EML6: variants seen among roughly 807,000 people sequenced by gnomAD.
EML6 encodes echinoderm microtubule-associated protein-like 6.
A neutral mutation model predicts 240.1 loss-of-function variants in EML6; 154 were observed. The ratio of observed to expected loss-of-function variants is 0.64; its 90% confidence interval spans 0.56 to 0.73. EML6 has a LOEUF of 0.73. EML6 is among the 30% of genes least tolerant of loss of function. EML6 has a pLI of 0.00. For synonymous variants in EML6, 1,148 were observed against 899.0 expected (o/e 1.28, Z -4.95); for missense variants, 2,964 against 2,474.6 (o/e 1.20, Z -4.20).
intron 16 of EML6, among the ~76,000 whole-genome samples, chr2:54,872,381 T>A (rs1017253722): frequency 3.9e-5 from 6 of 152,210 alleles, no homozygotes; most frequent in Non-Finnish European, 8.8e-5. Context: ...TTAATAAGTA[T>A]AACGTGTAAT....
At chr2:54,847,037 A>G (rs558206498) in intron 8 of EML6, among the ~76,000 whole-genome samples, 1 of 150,336 alleles carries the variant, frequency 6.7e-6, no homozygotes, top group East Asian at 2.0e-4. Context: ...CCCCCCAAGT[A>G]GCTGGGGCTA....
intron 36 of EML6, among the ~76,000 whole-genome samples, 159 bp downstream of exon 36, chr2:54,962,870 C>A (rs972312050): frequency 6.6e-6 from 1 of 152,176 alleles, no homozygotes; most frequent in African/African-American, 2.4e-5. Context: ...GCCCCACTCA[C>A]CACACCCCGT....
intron 2 of EML6, among the ~76,000 whole-genome samples, chr2:54,764,777 G>A (rs545310479): frequency 6.6e-6 from 1 of 152,302 alleles, no homozygotes; most frequent in South Asian, 2.1e-4. Flanking sequence ...AAAAGGCCAT[G>A]GTGGCCTTTT....
chr2:54,883,207 G>C (rs1213981179), intron 17 of EML6, among the ~76,000 whole-genome samples: 2 of 152,146 alleles, frequency 1.3e-5, no homozygotes, highest in African/African-American at 4.8e-5. Context: ...ATATCTTTTA[G>C]TGTGTATTTT....
intron 7 of EML6, among the ~76,000 whole-genome samples, chr2:54,838,388 C>A (rs894460333): frequency 6.6e-6 from 1 of 152,190 alleles, no homozygotes; most frequent in Non-Finnish European, 1.5e-5. Flanking sequence ...AGTGTGAGTG[C>A]TAATAATCTC....
chr2:54,773,142 C>G (rs755939290), intron 2 of EML6, among the ~76,000 whole-genome samples: 2 of 152,248 alleles, frequency 1.3e-5, no homozygotes, highest in Non-Finnish European at 2.9e-5. Context: ...GGTGAGCTAA[C>G]TGTCCAGCTA....
Position 54,962,646 on chromosome 2 carries a change from T to A in EML6, c.5092T>A (p.Ser1698Thr). 6.5e-7 allele frequency: 1 copy of A among 1,539,406 alleles called. No individual in the cohort carries two copies. The highest frequency in any genetic ancestry group is 2.5e-5 in the East Asian group (1 of 40,098). Residue 1698 changes from serine to threonine, a missense_variant, in exon 36 of 42, where the codon TCC becomes ACC. Coordinates refer to ENST00000356458, the MANE Select transcript of EML6 (RefSeq NM_001039753.4). ...GEIWGLATHP[S>T]KDLFISASND... is the part of the protein sequence containing the mutation. ...GATCTGGGGCCTGGCCACTCACCCT[T>A]CCAAGGACCTCTTCATCTCTGCCAG...
At chr2:54,937,216 T>A (rs1675184618) in intron 28 of EML6, among the ~76,000 whole-genome samples, 1 of 150,874 alleles carries the variant, frequency 6.6e-6, no homozygotes, top group Non-Finnish European at 1.5e-5. Flanking sequence ...AGGTGGAGGT[T>A]GTGGTGAGCC....
chr2:54,791,313 A>C (rs867622423), intron 2 of EML6, among the ~76,000 whole-genome samples: 1 of 152,118 alleles, frequency 6.6e-6, no homozygotes, highest in Non-Finnish European at 1.5e-5. Flanking sequence ...ATCTCTTTTG[A>C]AGATAATTTA....
chr2:54,854,155 A>AT (rs774165410), intron 11 of EML6, among the ~76,000 whole-genome samples: 14 of 152,208 alleles, frequency 9.2e-5, no homozygotes, highest in Admixed American at 3.9e-4. Flanking sequence ...TTCATAGTTT[A>AT]TATATAGTCC....
At chr2:54,840,058 A>T (rs908716041) in intron 7 of EML6, among the ~76,000 whole-genome samples, 1 of 152,246 alleles carries the variant, frequency 6.6e-6, no homozygotes, top group African/African-American at 2.4e-5. Context: ...CTGATGTTGG[A>T]AAATCATTAA....
intron 10 of EML6, among the ~76,000 whole-genome samples, chr2:54,852,383 A>G (rs1388189387): frequency 6.6e-6 from 1 of 152,204 alleles, no homozygotes; most frequent in African/African-American, 2.4e-5. Context: ...GTTACTTCAT[A>G]TATTTTTTCT....
chr2:54,949,012 G>T, intron 29 of EML6, 52 bp downstream of exon 29: 1 of 1,317,020 alleles, frequency 7.6e-7, no homozygotes. Context: ...AGACATACCT[G>T]GTAGACATCC....
At chr2:54,931,524 G>C (rs575293672) in intron 28 of EML6, among the ~76,000 whole-genome samples, 8 of 152,300 alleles carry the variant, frequency 5.3e-5, no homozygotes, top group African/African-American at 1.7e-4. Context: ...GGAATAATCA[G>C]GGCCGTTGCC....
At chr2:54,723,899 T>C (rs7590520) in intron 1 of EML6, 122 bp downstream of exon 1, 43,875 of 152,036 alleles carry the variant, frequency 0.29, 8,684 homozygotes, top group African/African-American at 0.58. Context: ...CGGGCATCCC[T>C]CGCGCAGCGC....
intron 41 of EML6, among the ~76,000 whole-genome samples, chr2:54,969,153 A>G (rs1474721843): frequency 6.6e-6 from 1 of 152,152 alleles, no homozygotes; most frequent in East Asian, 1.9e-4. Context: ...ATGTCCTTTT[A>G]AGAACTCCCA....
intron 22 of EML6, among the ~76,000 whole-genome samples, chr2:54,902,194 A>G (rs1294346455): frequency 6.6e-6 from 1 of 152,180 alleles, no homozygotes; most frequent in African/African-American, 2.4e-5. Flanking sequence ...TTTATTATAG[A>G]ACTCCTATTC....
chr2:54,786,784 G>A (rs1669118611), intron 2 of EML6, among the ~76,000 whole-genome samples: 1 of 152,208 alleles, frequency 6.6e-6, no homozygotes, highest in Non-Finnish European at 1.5e-5. Flanking sequence ...TAAAGCCCAG[G>A]TTAAAGTAAT....
chr2:54,823,616 T>TA (rs1408741991), intron 5 of EML6, among the ~76,000 whole-genome samples: 5 of 151,740 alleles, frequency 3.3e-5, no homozygotes, highest in South Asian at 2.1e-4. Context: ...CAGCCATGAG[T>TA]AAAAAAAACA....
Sources: allele counts gnomAD v4.1 joint callset (sites outside exome capture counted in the v4.1 genomes callset), GRCh38; gene constraint gnomAD v4.1.1; transcripts MANE v1.5; gene names NCBI Gene and HGNC (gene_info 2026-07-23, HGNC 2026-07-21).